Variants in FMNL2 observed in about 807,000 individuals in gnomAD.
The protein encoded by FMNL2 is formin like 2, also known as formin-like protein 2.
In FMNL2, 51 loss-of-function variants were observed where a neutral mutation model predicts 130.2. The observed-to-expected ratio is 0.39, with a 90% confidence interval of 0.31 to 0.49. FMNL2 has a LOEUF of 0.49. FMNL2 is among the 20% of genes least tolerant of loss of function. FMNL2 has a pLI of 0.85. For missense variants in FMNL2, 977 were observed against 1,316.2 expected (o/e 0.74, Z 3.99); for synonymous variants, 465 against 467.1 (o/e 1.00, Z 0.06).
intron 3 of FMNL2, among the ~76,000 whole-genome samples, chr2:152,543,437 A>G (rs1429400964): frequency 1.3e-5 from 2 of 152,182 alleles, no homozygotes; most frequent in African/African-American, 2.4e-5. Context: ...GTGGGCCTGA[A>G]TCAGTCCTGG....
intron 1 of FMNL2, among the ~76,000 whole-genome samples, chr2:152,423,778 A>AGTTGGGG (rs1400068737): frequency 3.3e-5 from 5 of 151,748 alleles, no homozygotes; most frequent in Non-Finnish European, 7.4e-5. Flanking sequence ...TACCTGAGGG[A>AGTTGGGG]GTTGGGGGTT....
chr2:152,448,299 G>C (rs914493368), intron 1 of FMNL2, among the ~76,000 whole-genome samples: 1 of 151,878 alleles, frequency 6.6e-6, no homozygotes, highest in African/African-American at 2.4e-5. Context: ...TTAAATTTTT[G>C]GATAAAAGTA....
At chr2:152,591,200 G>A (rs1480469417) in intron 9 of FMNL2, among the ~76,000 whole-genome samples, 1 of 151,602 alleles carries the variant, frequency 6.6e-6, no homozygotes, top group East Asian at 1.9e-4. Flanking sequence ...TAGTAGAGAT[G>A]GGGTTTCACC....
chr2:152,645,469 G>A (rs1580176182), intron 25 of FMNL2: 1 of 1,290,010 alleles, frequency 7.8e-7, no homozygotes, highest in Non-Finnish European at 1.0e-6. Context: ...ATTTCCAAAT[G>A]TTCACTCGAG....
intron 3 of FMNL2, among the ~76,000 whole-genome samples, chr2:152,546,992 A>G (rs544661404): frequency 0.012 from 1,653 of 140,080 alleles, 35 homozygotes; most frequent in African/African-American, 0.042. Context: ...GTCACCCCGG[A>G]TGGAGTGCAG....
chr2:152,435,879 G>A (rs961852980), intron 1 of FMNL2, among the ~76,000 whole-genome samples: 1 of 152,182 alleles, frequency 6.6e-6, no homozygotes, highest in African/African-American at 2.4e-5. Flanking sequence ...AAAAAAGTCA[G>A]GGTGCAGAGA....
chr2:152,340,487 G>GC (rs754409935), intron 1 of FMNL2, among the ~76,000 whole-genome samples: 26 of 152,176 alleles, frequency 1.7e-4, no homozygotes, highest in Non-Finnish European at 3.1e-4. Context: ...TCTTCACTGT[G>GC]CTCTTCTATT....
At chr2:152,590,661 T>C (rs998527685) in intron 9 of FMNL2, among the ~76,000 whole-genome samples, 4 of 151,854 alleles carry the variant, frequency 2.6e-5, no homozygotes, top group Non-Finnish European at 5.9e-5. Flanking sequence ...CAAATAGTTA[T>C]GAAGTGCTGG....
chr2:152,348,852 G>T, intron 1 of FMNL2, among the ~76,000 whole-genome samples: 1 of 89,830 alleles, frequency 1.1e-5, no homozygotes, highest in Non-Finnish European at 2.0e-5. Context: ...TTTTGAGACG[G>T]AGTCTCGCTC....
chr2:152,629,468 A>C (rs1463550980), intron 18 of FMNL2, among the ~76,000 whole-genome samples, 188 bp from the exon 19 acceptor site: 1 of 152,192 alleles, frequency 6.6e-6, no homozygotes, highest in Non-Finnish European at 1.5e-5. Flanking sequence ...TCGTGCATGT[A>C]ACAATATTAC....
intron 25 of FMNL2, among the ~76,000 whole-genome samples, chr2:152,645,984 G>A (rs961494501): frequency 6.6e-6 from 1 of 152,138 alleles, no homozygotes; most frequent in African/African-American, 2.4e-5. Flanking sequence ...AGGAAGCAGA[G>A]GCTTGAGAGG....
intron 9 of FMNL2, among the ~76,000 whole-genome samples, chr2:152,591,959 C>A (rs867064453): frequency 2.6e-4 from 40 of 152,144 alleles, no homozygotes; most frequent in Middle Eastern, 6.8e-3. Context: ...AAAAATAAGC[C>A]GGGTGTGGTG....
chr2:152,547,498 G>A (rs566280591), intron 3 of FMNL2, among the ~76,000 whole-genome samples: 1 of 152,328 alleles, frequency 6.6e-6, no homozygotes, highest in Non-Finnish European at 1.5e-5. Flanking sequence ...CATTTATGGA[G>A]GAACTGTGAG....
intron 17 of FMNL2, among the ~76,000 whole-genome samples, 193 bp downstream of exon 17, chr2:152,626,920 G>A (rs894272253): frequency 1.3e-5 from 2 of 152,214 alleles, no homozygotes; most frequent in Non-Finnish European, 2.9e-5. Context: ...ATGCCAACAC[G>A]AAAGAGGTAG....
intron 6 of FMNL2, among the ~76,000 whole-genome samples, chr2:152,564,914 A>G (rs915988160): frequency 2.0e-5 from 3 of 151,600 alleles, no homozygotes; most frequent in African/African-American, 4.8e-5. Flanking sequence ...GAGTCATATC[A>G]GCTATGGGAT....
chr2:152,542,941 C>A, intron 3 of FMNL2, 122 bp downstream of exon 3: 1 of 1,049,142 alleles, frequency 9.5e-7, no homozygotes, highest in Non-Finnish European at 1.4e-6. Flanking sequence ...CCACAAAAAA[C>A]AACCTTGGGA....
chr2:152,342,118 C>G (rs958174939), intron 1 of FMNL2, among the ~76,000 whole-genome samples: 5 of 152,160 alleles, frequency 3.3e-5, no homozygotes, highest in Non-Finnish European at 7.4e-5. Context: ...TCTGGAAATT[C>G]ATTTGACTTT....
intron 1 of FMNL2, among the ~76,000 whole-genome samples, chr2:152,407,389 G>A (rs1463140158): frequency 6.6e-6 from 1 of 151,818 alleles, no homozygotes; most frequent in Non-Finnish European, 1.5e-5. Context: ...CCAGCCCTGG[G>A]CGATGCGGTG....
intron 13 of FMNL2, among the ~76,000 whole-genome samples, chr2:152,617,695 T>G (rs1699030292): frequency 6.6e-6 from 1 of 152,220 alleles, no homozygotes; most frequent in East Asian, 1.9e-4. Flanking sequence ...ATCCATTTTA[T>G]TATCAGCTAA....
Sources: allele counts gnomAD v4.1 joint callset (sites outside exome capture counted in the v4.1 genomes callset), GRCh38; gene constraint gnomAD v4.1.1; transcripts MANE v1.5; gene names NCBI Gene and HGNC (gene_info 2026-07-23, HGNC 2026-07-21).